The following CPAMD8 variants were observed in gnomAD, a reference collection of about 807,000 sequenced individuals.
The protein encoded by CPAMD8 is C3 and PZP-like alpha-2-macroglobulin domain-containing protein 8.
A neutral mutation model predicts 224.7 loss-of-function variants in CPAMD8; 146 were observed. The ratio of observed to expected loss-of-function variants is 0.65; its 90% CI spans 0.57 to 0.75. The LOEUF is 0.75. CPAMD8 is among the 30% of genes least tolerant of loss of function. The pLI is 0.00. For missense variants in CPAMD8, 2,301 were observed against 2,537.5 expected (o/e 0.91, Z 2.00); for synonymous variants, 966 against 1,044.6 (o/e 0.92, Z 1.45).
Position 16,898,358 on chromosome 19 carries a change from C to T in CPAMD8, c.4849-364G>A, listed in dbSNP as rs1213745062. 6.6e-6 allele frequency among the ~76,000 whole-genome samples: 1 copy of T among 152,040 alleles called. No homozygotes were observed. The highest frequency in any genetic ancestry group is 1.5e-5 in the Non-Finnish European group (1 of 67,996). On this transcript the variant is annotated intron_variant, in intron 37 of 41. Transcript: ENST00000443236. This position sits in a 1 kb window ranked among gnomAD's most constrained non-coding sequence, Gnocchi z 4.2. ...ACGGAGTTTCACCATGTTGGCCAGGCTGGTCTCCAACTCCTGCCCTCAAGT... is the reference window on the plus strand; with the variant it reads ...ACGGAGTTTCACCATGTTGGCCAGGTTGGTCTCCAACTCCTGCCCTCAAGT...
At chr19:17,025,420 A>G (rs1421971832) in intron 1 of CPAMD8, among the ~76,000 whole-genome samples, 1 of 152,168 alleles carries the variant, frequency 6.6e-6, no homozygotes, top group Non-Finnish European at 1.5e-5. Context: ...CTCAAAACAA[A>G]AACAAAAACA....
At chr19:16,912,180 A>C (rs1472318290) in intron 29 of CPAMD8, among the ~76,000 whole-genome samples, 1 of 152,198 alleles carries the variant, frequency 6.6e-6, no homozygotes, top group Non-Finnish European at 1.5e-5. Flanking sequence ...AATGCTCTTG[A>C]ATCTCCCAAA....
rs747642020 is a variant in CPAMD8, at chr19:16,906,936, G to C, written c.4027+16C>G. ...TCCCGACGCTGTGGCCTCTGGGGAG[G>C]GCCAGGGACACCTACCTCGCATGAT... On this transcript the variant is annotated intron_variant, in intron 30 of 41. Coordinates refer to ENST00000443236, the MANE Select transcript of CPAMD8 (RefSeq NM_015692.5). The C allele has an allele frequency of 6.4e-7, 1 of 1,570,996 alleles. No homozygotes were observed. Among genetic ancestry groups the C allele is most frequent in the African/African-American group, 1.3e-5 (1 of 74,446 alleles).
rs1189108348 is a variant in CPAMD8, at chr19:17,002,129, G to A, written c.758+137C>T. 4.8e-6 allele frequency: 3 copies of A among 621,258 alleles called. No individual in the cohort carries two copies. In the African/African-American group the frequency reaches 5.6e-5, roughly 12 times the overall value. The allele number at this position is 621,258 out of a possible 1,614,324, so 38.5% of individuals were successfully genotyped here. On this transcript the variant is annotated intron_variant, in intron 9 of 41. Transcript: ENST00000443236. Reference sequence around the variant, plus strand: ...GGAGGGGCACACCCCAGGGAGGAGGGAACCAGGAAGGGAGGGGCACACCCA... The same window carrying A: ...GGAGGGGCACACCCCAGGGAGGAGGAAACCAGGAAGGGAGGGGCACACCCA...
chr19:17,012,298 C>G (rs2056676861), intron 3 of CPAMD8, among the ~76,000 whole-genome samples: 1 of 150,778 alleles, frequency 6.6e-6, no homozygotes, highest in South Asian at 2.1e-4. Context: ...GGATTATAGG[C>G]GTGAGCCATT....
chr19:16,932,153 A>T (rs1471573590), intron 23 of CPAMD8, among the ~76,000 whole-genome samples: 1 of 152,212 alleles, frequency 6.6e-6, no homozygotes, highest in Non-Finnish European at 1.5e-5. Flanking sequence ...ACATTAGCTG[A>T]GTGTGGTGGC....
At chr19:16,996,241 G>A (rs1344446214) in intron 11 of CPAMD8, among the ~76,000 whole-genome samples, 1 of 152,170 alleles carries the variant, frequency 6.6e-6, no homozygotes, top group African/African-American at 2.4e-5. Flanking sequence ...AGGATGCTGA[G>A]GCAGGCGGAT....
At chr19:16,950,628 A>G (rs2054267293) in intron 20 of CPAMD8, among the ~76,000 whole-genome samples, 1 of 151,802 alleles carries the variant, frequency 6.6e-6, no homozygotes, top group South Asian at 2.1e-4. Flanking sequence ...ATCTCTACGA[A>G]AATAAAATAA....
intron 3 of CPAMD8, 142 bp from the exon 4 acceptor site, chr19:17,011,899 G>A (rs1234585898): frequency 3.2e-6 from 3 of 934,638 alleles, no homozygotes; most frequent in Non-Finnish European, 4.7e-6. Flanking sequence ...GCAGTTTCTG[G>A]AGATGTTTTG....
rs531811869 is a variant in CPAMD8 at position 16,963,216 on chromosome 19, C to T, written c.2214-5301G>A. On this transcript the variant is annotated intron_variant, in intron 18 of 41. Transcript: ENST00000443236. ...AATATTAACCTTAAATGTAAATGGGCTAAATGCCCCAATTAAAAGACACAG... is the reference window on the plus strand; with the variant it reads ...AATATTAACCTTAAATGTAAATGGGTTAAATGCCCCAATTAAAAGACACAG... Among the ~76,000 whole-genome samples, 72 of 152,234 alleles carry T rather than the reference C, an allele frequency of 4.7e-4. No homozygotes were observed. In the East Asian group the frequency reaches 0.01, roughly 22 times the overall value.
At position 16,919,426 on chromosome 19, in the gene CPAMD8, G is replaced by A. The variant is rs181469754; in HGVS notation, c.3629+2479C>T. 1.2e-3 allele frequency among the ~76,000 whole-genome samples: 180 copies of A among 152,206 alleles called. 3 individuals are homozygous for A. The South Asian group carries it at 0.029, about 25-fold the overall frequency. ...GGCCTCCTGCCAACAGCCATGTGAGGGAGCCAATTTGGAAACAAATCTTCC... is the reference window on the plus strand; with the variant it reads ...GGCCTCCTGCCAACAGCCATGTGAGAGAGCCAATTTGGAAACAAATCTTCC... On this transcript the variant is annotated intron_variant, in intron 27 of 41. Coordinates refer to ENST00000443236, the MANE Select transcript of CPAMD8 (RefSeq NM_015692.5).
rs116704127 is a variant in CPAMD8, at chr19:16,920,104, C to T, written c.3629+1801G>A. On this transcript the variant is annotated intron_variant, in intron 27 of 41. Coordinates refer to ENST00000443236, the MANE Select transcript of CPAMD8 (RefSeq NM_015692.5). ...TTGTCCTACAGGGTCCCCAGGAAGA[C>T]GTCCATGTTTGGAGACCAACAGGAA... Among the ~76,000 whole-genome samples the T allele has an allele frequency of 2.2e-3, 339 of 152,296 alleles. 2 individuals carry two copies. The highest frequency in any genetic ancestry group is 7.7e-3 in the African/African-American group (321 of 41,566).
At chr19:16,948,671 T>C (rs918844119) in intron 20 of CPAMD8, among the ~76,000 whole-genome samples, 1 of 150,448 alleles carries the variant, frequency 6.6e-6, no homozygotes, top group African/African-American at 2.5e-5. Context: ...GAGGTGGAGG[T>C]TGCAGTAAGC....
At chr19:16,993,315 C>CTGCA in intron 12 of CPAMD8, 101 bp downstream of exon 12, 1 of 901,606 alleles carries the variant, frequency 1.1e-6, no homozygotes. Flanking sequence ...AGGGCTGGGA[C>CTGCA]GGGCTCCAGG....
chr19:16,903,786 A>T lies in CPAMD8; in HGVS notation c.4323T>A (p.Thr1441=). ...ILSYAGGINL[T]VSLASTNLDY... ...CCAGGTTGGTGGAGGCCAGGGAGACAGTGAGGTTGATGCCTCCAGCATAGG... is the reference window on the plus strand; with the variant it reads ...CCAGGTTGGTGGAGGCCAGGGAGACTGTGAGGTTGATGCCTCCAGCATAGG... The change falls in exon 33 of 42, where the codon ACT becomes ACA. Residue 1441 remains threonine (T), a synonymous_variant. Coordinates refer to ENST00000443236, the MANE Select transcript of CPAMD8 (RefSeq NM_015692.5). 1 of 1,614,170 alleles carries T rather than the reference A, an allele frequency of 6.2e-7. No individual in the cohort carries two copies. Among genetic ancestry groups the T allele is most frequent in the South Asian group, 1.1e-5 (1 of 91,090 alleles).
chr19:16,908,149 A>C (rs2052594611), intron 29 of CPAMD8, among the ~76,000 whole-genome samples: 1 of 152,082 alleles, frequency 6.6e-6, no homozygotes, highest in African/African-American at 2.4e-5. Context: ...ACTTGAGGTC[A>C]GGAGTTCAAG....
At chr19:16,984,059 G>C (rs1290525284) in intron 13 of CPAMD8, among the ~76,000 whole-genome samples, 1 of 152,112 alleles carries the variant, frequency 6.6e-6, no homozygotes, top group Non-Finnish European at 1.5e-5. Context: ...ACAGCTAAGG[G>C]CAACTGATTT....
At chr19:17,022,660 G>A (rs150667853) in intron 1 of CPAMD8, among the ~76,000 whole-genome samples, 8 of 152,060 alleles carry the variant, frequency 5.3e-5, no homozygotes, top group East Asian at 3.9e-4. Flanking sequence ...CACCACGGCC[G>A]GCTAATTTTT....
intron 1 of CPAMD8, among the ~76,000 whole-genome samples, chr19:17,022,697 C>A (rs2056991285): frequency 6.6e-6 from 1 of 152,036 alleles, no homozygotes; most frequent in Admixed American, 6.6e-5. Context: ...CAGGGTTTTG[C>A]CATGTTGGCC....
Sources: allele counts gnomAD v4.1 joint callset (sites outside exome capture counted in the v4.1 genomes callset), GRCh38; gene constraint gnomAD v4.1.1; non-coding constraint Gnocchi (gnomAD v3.1); transcripts MANE v1.5; gene names NCBI Gene and HGNC (gene_info 2026-07-23, HGNC 2026-07-21).